Variants in CLNK observed in about 807,000 individuals in gnomAD.
The protein encoded by CLNK is cytokine-dependent hematopoietic cell linker.
CLNK carries 74 observed loss-of-function variants against 68.6 expected under a neutral mutation model. The ratio of observed to expected loss-of-function variants is 1.08; its 90% CI spans 0.89 to 1.31. CLNK has a LOEUF of 1.31. Ranked by LOEUF, CLNK falls within the 50% of genes most tolerant of loss-of-function variation. The pLI is 0.00. For synonymous variants in CLNK, 198 were observed against 172.2 expected, an observed-to-expected ratio of 1.15 and a Z score of -1.17; for missense variants, 553 against 515.3, an observed-to-expected ratio of 1.07 and a Z score of -0.71.
At chr4:10,546,895 C>T (rs1719254166) in intron 8 of CLNK, among the ~76,000 whole-genome samples, 1 of 152,154 alleles carries the variant, frequency 6.6e-6, no homozygotes, top group Non-Finnish European at 1.5e-5. Context: ...CTGAAGGGGA[C>T]TTACTGCAGA....
chr4:10,509,485 C>T (rs1717471104), intron 16 of CLNK, among the ~76,000 whole-genome samples: 1 of 151,756 alleles, frequency 6.6e-6, no homozygotes. Context: ...CTACCCAGCT[C>T]AGGCATTCTT....
chr4:10,723,459 C>T, the CLNK span, among the ~76,000 whole-genome samples: 1 of 152,172 alleles, frequency 6.6e-6, no homozygotes. Context: ...GAATCTCTCT[C>T]TCCTTAAGAC....
intron 2 of CLNK, among the ~76,000 whole-genome samples, chr4:10,605,885 T>A (rs1416831825): frequency 1.3e-5 from 2 of 149,958 alleles, no homozygotes; most frequent in Non-Finnish European, 3.0e-5. Context: ...TATACCTGTA[T>A]AAGGCACTTA....
At chr4:10,656,300 C>A (rs1365308102) in intron 2 of CLNK, among the ~76,000 whole-genome samples, 6 of 35,346 alleles carry the variant, frequency 1.7e-4, no homozygotes, top group South Asian at 9.1e-4. Flanking sequence ...ATAATGCATA[C>A]AAATCAATAT....
chr4:10,712,124 T>G, the CLNK span, among the ~76,000 whole-genome samples: 2 of 152,130 alleles, frequency 1.3e-5, no homozygotes, highest in Non-Finnish European at 2.9e-5. Context: ...AGGAGAATTT[T>G]TTTGAATATA....
chr4:10,507,653 T>C (rs1422574460), intron 17 of CLNK, among the ~76,000 whole-genome samples: 4 of 151,896 alleles, frequency 2.6e-5, no homozygotes, highest in Non-Finnish European at 5.9e-5. Flanking sequence ...TTTTTTATTT[T>C]TTATTTTTAG....
chr4:10,540,056 AG>A (rs1400194660), intron 11 of CLNK, among the ~76,000 whole-genome samples: 8 of 152,170 alleles, frequency 5.3e-5, no homozygotes, highest in African/African-American at 1.9e-4. Flanking sequence ...CCCCACCCAA[AG>A]CTCATCTTTA....
At chr4:10,552,138 G>C (rs1212594067) in intron 8 of CLNK, among the ~76,000 whole-genome samples, 1 of 152,082 alleles carries the variant, frequency 6.6e-6, no homozygotes, top group Non-Finnish European at 1.5e-5. Context: ...TTACAGGTGT[G>C]AGCCACCACG....
the CLNK span, among the ~76,000 whole-genome samples, chr4:10,715,572 A>T: frequency 6.6e-6 from 1 of 152,000 alleles, no homozygotes; most frequent in Non-Finnish European, 1.5e-5. Flanking sequence ...CAAAAGGAAA[A>T]TTTCTTCTTC....
At position 10,593,448 on chromosome 4, in the gene CLNK, A is replaced by C. The variant is rs188098945; in HGVS notation, c.83+4530T>G. Among the ~76,000 whole-genome samples the C allele has an allele frequency of 3.5e-3, 537 of 152,234 alleles. 6 individuals carry two copies. Among genetic ancestry groups the C allele is most frequent in the Admixed American group, 0.013 (193 of 15,300 alleles). ...GGTGGGTGGATCACTTGAGGTCAGG[A>C]GTTCGAGACCAGCCTGGCTAATATG... is the stretch of plus-strand genomic sequence containing the variant. On this transcript the variant is annotated intron_variant, in intron 3 of 18. Coordinates refer to ENST00000226951, the MANE Select transcript of CLNK (RefSeq NM_052964.4).
chr4:10,631,041 C>T (rs1235943594), intron 2 of CLNK, among the ~76,000 whole-genome samples: 1 of 142,160 alleles, frequency 7.0e-6, no homozygotes, highest in Non-Finnish European at 1.6e-5. Flanking sequence ...GCACCAAATG[C>T]CAGTGCTGCT....
At chr4:10,543,948 G>A (rs991233304) in intron 8 of CLNK, among the ~76,000 whole-genome samples, 5 of 152,108 alleles carry the variant, frequency 3.3e-5, no homozygotes, top group African/African-American at 1.2e-4. Context: ...ACTATTTCAA[G>A]GAAATCACAA....
chr4:10,668,694 C>A (rs558767358), intron 1 of CLNK, among the ~76,000 whole-genome samples: 24 of 152,220 alleles, frequency 1.6e-4, no homozygotes, highest in African/African-American at 5.5e-4. Context: ...GATTTGGGGA[C>A]CAGGTAGGCA....
intron 3 of CLNK, among the ~76,000 whole-genome samples, chr4:10,588,435 G>A (rs984950258): frequency 2.6e-5 from 4 of 152,112 alleles, no homozygotes; most frequent in Admixed American, 6.5e-5. Flanking sequence ...AGTGGCTAGC[G>A]GGTTGTTCCC....
At chr4:10,584,173 C>T (rs1720889849) in intron 4 of CLNK, among the ~76,000 whole-genome samples, 1 of 152,204 alleles carries the variant, frequency 6.6e-6, no homozygotes, top group Non-Finnish European at 1.5e-5. Flanking sequence ...TTCACTTTTG[C>T]TTTTGCCCAG....
intron 2 of CLNK, among the ~76,000 whole-genome samples, chr4:10,639,533 G>A (rs1577189382): frequency 1.3e-5 from 2 of 152,228 alleles, no homozygotes; most frequent in African/African-American, 4.8e-5. Flanking sequence ...TCCACAAAAC[G>A]AAAAGATTTT....
At chr4:10,732,695 T>C in the CLNK span, among the ~76,000 whole-genome samples, 4 of 151,374 alleles carry the variant, frequency 2.6e-5, no homozygotes, top group Admixed American at 6.6e-5. Flanking sequence ...TGTTGCACAT[T>C]ATAAATATAT....
At chr4:10,564,066 TG>T (rs1720001951) in intron 7 of CLNK, among the ~76,000 whole-genome samples, 2 of 152,116 alleles carry the variant, frequency 1.3e-5, no homozygotes, top group Non-Finnish European at 2.9e-5. Context: ...TAAAATTCTA[TG>T]TATGCATTTA....
At chr4:10,519,195 C>T (rs887987867) in intron 15 of CLNK, among the ~76,000 whole-genome samples, 15 of 152,188 alleles carry the variant, frequency 9.9e-5, no homozygotes, top group African/African-American at 2.9e-4. Context: ...TGAGAGGAAC[C>T]TAAGCAACCC....
Sources: gnomAD v4.1 joint callset for allele counts (sites outside exome capture counted in the v4.1 genomes callset) on GRCh38, gnomAD v4.1.1 for gene constraint, MANE v1.5 for transcripts, NCBI Gene and HGNC (gene_info 2026-07-23, HGNC 2026-07-21) for gene names.